Variants in GPHN observed in about 807,000 individuals in gnomAD.
GPHN encodes gephyrin.
GPHN carries 17 observed loss-of-function variants against 95.5 expected under a neutral mutation model. The ratio of observed to expected loss-of-function variants is 0.18; its 90% CI spans 0.12 to 0.27. The LOEUF is 0.27. GPHN is among the 10% of genes least tolerant of loss of function. The probability of loss-of-function intolerance (pLI) is 1.00; values close to 1 mark genes in which losing one functional copy is unlikely to be tolerated. For missense variants in GPHN, 660 were observed against 978.1 expected (o/e 0.67, Z 4.34); for synonymous variants, 320 against 322.5 (o/e 0.99, Z 0.08).
At chr14:67,591,566 CTT>C in the GPHN span, among the ~76,000 whole-genome samples, 5 of 152,114 alleles carry the variant, frequency 3.3e-5, no homozygotes, top group Admixed American at 6.6e-5. Context: ...GATGGGGTCT[CTT>C]GTCACCCAGG....
At chr14:67,660,335 G>A in the GPHN span, 1 of 156,102 alleles carries the variant, frequency 6.4e-6, no homozygotes, top group Admixed American at 6.4e-5. Flanking sequence ...CTGTAATCCT[G>A]GCACTTTGGG....
the GPHN span, chr14:67,301,969 C>A: frequency 6.3e-7 from 1 of 1,580,214 alleles, no homozygotes; most frequent in Non-Finnish European, 8.6e-7. Context: ...TTCTTTGAAA[C>A]AGGCACTTTT....
At chr14:67,173,652 G>A (rs546029455) in intron 21 of GPHN, among the ~76,000 whole-genome samples, 1 of 152,218 alleles carries the variant, frequency 6.6e-6, no homozygotes, top group South Asian at 2.1e-4. Context: ...ACACAAAAAA[G>A]CAAGCAAATA....
At chr14:67,246,657 T>G in the GPHN span, among the ~76,000 whole-genome samples, 20 of 148,164 alleles carry the variant, frequency 1.3e-4, no homozygotes, top group Non-Finnish European at 2.5e-4. Context: ...AGGTTTTTTT[T>G]TTTTTTTTTT....
chr14:67,370,215 A>C, the GPHN span, among the ~76,000 whole-genome samples: 3 of 152,154 alleles, frequency 2.0e-5, no homozygotes, highest in Admixed American at 2.0e-4. Context: ...TAAACCCACA[A>C]CCTTCCAGCT....
chr14:67,364,617 C>G, the GPHN span: 1 of 714,002 alleles, frequency 1.4e-6, no homozygotes, highest in Non-Finnish European at 2.2e-6. Flanking sequence ...TTTTCTGGTA[C>G]CACTTAAGAA....
At chr14:67,024,522 G>T (rs1446677762) in intron 10 of GPHN, among the ~76,000 whole-genome samples, 1 of 152,176 alleles carries the variant, frequency 6.6e-6, no homozygotes, top group African/African-American at 2.4e-5. Context: ...ATTTCTAGCA[G>T]TATGTCAGCA....
intron 9 of GPHN, among the ~76,000 whole-genome samples, chr14:67,002,629 CTT>C (rs530585423): frequency 1.6e-3 from 241 of 151,456 alleles, no homozygotes; most frequent in African/African-American, 5.6e-3. Context: ...GCCTTACTAA[CTT>C]TGTGACCTTA....
intron 1 of GPHN, among the ~76,000 whole-genome samples, chr14:66,656,550 A>G (rs2065318376): frequency 6.6e-6 from 1 of 152,016 alleles, no homozygotes; most frequent in South Asian, 2.1e-4. Flanking sequence ...GTTTATGGCA[A>G]TCCTGCATCA....
At chr14:66,704,871 C>CA (rs1259331948) in intron 2 of GPHN, among the ~76,000 whole-genome samples, 1 of 152,016 alleles carries the variant, frequency 6.6e-6, no homozygotes, top group African/African-American at 2.4e-5. Context: ...TCAGTTAATC[C>CA]AGGAGCTGGT....
At chr14:67,724,420 A>C in the GPHN span, 1 of 929,358 alleles carries the variant, frequency 1.1e-6, no homozygotes, top group Non-Finnish European at 1.7e-6. Context: ...AACGTATCTT[A>C]GTGTGAGCTC....
chr14:67,584,882 T>G, the GPHN span, among the ~76,000 whole-genome samples: 31 of 152,322 alleles, frequency 2.0e-4, no homozygotes, highest in South Asian at 6.4e-3. Context: ...TGTACAGAGG[T>G]GTTATAAAGG....
At chr14:66,685,433 G>T (rs1416754513) in intron 2 of GPHN, among the ~76,000 whole-genome samples, 1 of 152,144 alleles carries the variant, frequency 6.6e-6, no homozygotes, top group Non-Finnish European at 1.5e-5. Context: ...ACTTTTTAAT[G>T]ATTGCCATTC....
At chr14:67,403,456 T>C in the GPHN span, among the ~76,000 whole-genome samples, 1 of 152,216 alleles carries the variant, frequency 6.6e-6, no homozygotes, top group Non-Finnish European at 1.5e-5. Context: ...GGTGTTTTTG[T>C]CTGACTGTAT....
the GPHN span, among the ~76,000 whole-genome samples, chr14:67,369,513 AAT>A: frequency 5.9e-5 from 9 of 152,344 alleles, no homozygotes; most frequent in African/African-American, 2.2e-4. Flanking sequence ...GAAAAGGCAA[AAT>A]ACACATTATT....
intron 15 of GPHN, 39 bp from the exon 16 acceptor site, chr14:67,112,979 C>T: frequency 6.3e-7 from 1 of 1,598,764 alleles, no homozygotes; most frequent in South Asian, 1.1e-5. Context: ...AAATGTTGTT[C>T]TCTAATCACA....
chr14:66,544,397 ATTGTG>A (rs544092706), intron 1 of GPHN, among the ~76,000 whole-genome samples: 360 of 152,110 alleles, frequency 2.4e-3, no homozygotes, highest in African/African-American at 8.0e-3. Context: ...TAATTTATGT[ATTGTG>A]TTAACATTTG....
chr14:66,758,942 TATG>T (rs1240516707), intron 2 of GPHN, among the ~76,000 whole-genome samples: 6 of 152,338 alleles, frequency 3.9e-5, no homozygotes, highest in African/African-American at 1.2e-4. Flanking sequence ...ATGGCAAGTG[TATG>T]ATAAGTTTTG....
At chr14:66,571,855 A>G (rs2060707658) in intron 1 of GPHN, among the ~76,000 whole-genome samples, 1 of 152,104 alleles carries the variant, frequency 6.6e-6, no homozygotes, top group African/African-American at 2.4e-5. Flanking sequence ...CCCTGGACCA[A>G]TGCCAGGAAG....
Sources: allele counts gnomAD v4.1 joint callset (sites outside exome capture counted in the v4.1 genomes callset), GRCh38; gene constraint gnomAD v4.1.1; transcripts MANE v1.5; gene names NCBI Gene and HGNC (gene_info 2026-07-23, HGNC 2026-07-21).